DNM3: variants seen among roughly 807,000 people sequenced by gnomAD.
DNM3 encodes the protein dynamin-3.
In DNM3, 47 loss-of-function variants were observed where a neutral mutation model predicts 101.6. The observed-to-expected ratio is 0.46, with a 90% CI of 0.37 to 0.59. The LOEUF (loss-of-function observed/expected upper bound fraction) is 0.59. Among genes scored for constraint, DNM3 ranks in the 20% least tolerant of loss-of-function variants. DNM3 has a pLI of 0.00. For missense variants in DNM3, 849 were observed against 1,085.7 expected (o/e 0.78, Z 3.06); for synonymous variants, 385 against 387.9 (o/e 0.99, Z 0.09).
chr1:172,044,525 A>G, intron 9 of DNM3, 73 bp downstream of exon 9: 1 of 1,299,778 alleles, frequency 7.7e-7, no homozygotes, highest in Non-Finnish European at 1.1e-6. Context: ...AATGGCTAGG[A>G]AACTCGTCTT....
rs143951089 is a variant in DNM3 at position 172,288,758 on chromosome 1, G to A, written c.1770-19970G>A. On this transcript the variant is annotated intron_variant, in intron 15 of 20. Transcript: ENST00000627582. Reference sequence around the variant, plus strand: ...AGAAGCTGCCATTTACTAGTAGGAGGGAACTTTAGGGGAAGAGAAGATTTG... The same window carrying A: ...AGAAGCTGCCATTTACTAGTAGGAGAGAACTTTAGGGGAAGAGAAGATTTG... Among the ~76,000 whole-genome samples, 1,174 of 152,208 alleles carry A rather than the reference G, an allele frequency of 7.7e-3. 21 individuals carry two copies. The highest frequency in any genetic ancestry group is 0.027 in the African/African-American group (1,114 of 41,544).
intron 14 of DNM3, among the ~76,000 whole-genome samples, chr1:172,161,220 A>G (rs2058534691): frequency 6.7e-6 from 1 of 149,822 alleles, no homozygotes; most frequent in Non-Finnish European, 1.5e-5. Context: ...ATAATAATAT[A>G]TATGATCCAG....
chr1:171,888,671 TC>T (rs2036993278), intron 1 of DNM3, among the ~76,000 whole-genome samples: 1 of 152,216 alleles, frequency 6.6e-6, no homozygotes, highest in Non-Finnish European at 1.5e-5. Flanking sequence ...TCTGATGCAT[TC>T]TTGTTTTATC....
intron 16 of DNM3, among the ~76,000 whole-genome samples, chr1:172,311,792 A>G (rs2065093267): frequency 6.6e-6 from 1 of 152,206 alleles, no homozygotes; most frequent in African/African-American, 2.4e-5. Context: ...ATCTGTTTTG[A>G]TTCTTTTTAT....
intron 2 of DNM3, among the ~76,000 whole-genome samples, chr1:171,958,179 C>A (rs1292395139): frequency 6.6e-6 from 1 of 152,198 alleles, no homozygotes; most frequent in Non-Finnish European, 1.5e-5. Context: ...ATAAAACCAT[C>A]AGATCTCATG....
chr1:172,315,836 T>C (rs956468431), intron 16 of DNM3, among the ~76,000 whole-genome samples: 1 of 152,260 alleles, frequency 6.6e-6, no homozygotes, highest in African/African-American at 2.4e-5. Flanking sequence ...CCAGGAGAAC[T>C]TCCCCAATCT....
chr1:172,144,226 C>T (rs1412669417), intron 14 of DNM3: 2 of 151,798 alleles, frequency 1.3e-5, no homozygotes, highest in Non-Finnish European at 2.9e-5. Context: ...ATACCACACA[C>T]TTTTGCTCTT....
At chr1:172,227,302 A>ATATATATATATATATATC (rs1557846135) in intron 14 of DNM3, among the ~76,000 whole-genome samples, 2 of 127,574 alleles carry the variant, frequency 1.6e-5, no homozygotes, top group African/African-American at 2.9e-5. Flanking sequence ...ATATATATAT[A>ATATATATATATATATATC]TATCACATTT....
chr1:172,098,042 G>A (rs752885134), intron 13 of DNM3, among the ~76,000 whole-genome samples: 4 of 152,162 alleles, frequency 2.6e-5, no homozygotes, highest in Non-Finnish European at 4.4e-5. Flanking sequence ...CAGGACCAGG[G>A]TGAAATTAAA....
chr1:172,039,909 A>G lies in DNM3; in HGVS notation c.992+1448A>G, dbSNP rs116790778. ...TAGGGAAAAACAGACATAAAAATTA[A>G]CACAATTTAACACAATTAATTGTGT... On this transcript the variant is annotated intron_variant, in intron 7 of 20. Coordinates refer to ENST00000627582, the MANE Select transcript of DNM3 (RefSeq NM_015569.5). Among the ~76,000 whole-genome samples the G allele has an allele frequency of 8.0e-3, 1,215 of 152,234 alleles. 7 individuals carry two copies. The highest frequency in any genetic ancestry group is 0.013 in the Non-Finnish European group (861 of 68,008).
chr1:172,222,199 A>G (rs956595874), intron 14 of DNM3, among the ~76,000 whole-genome samples: 1 of 152,186 alleles, frequency 6.6e-6, no homozygotes. Context: ...GGTGAAAGAA[A>G]CATGGCCACT....
chr1:171,848,246 C>A (rs2032459439), intron 1 of DNM3, among the ~76,000 whole-genome samples: 1 of 152,150 alleles, frequency 6.6e-6, no homozygotes, highest in Admixed American at 6.5e-5. Flanking sequence ...TTTTTCTCTT[C>A]CGTGATACTC....
intron 4 of DNM3, among the ~76,000 whole-genome samples, chr1:171,999,398 T>C (rs2125664090): frequency 6.6e-6 from 1 of 152,218 alleles, no homozygotes; most frequent in East Asian, 1.9e-4. Flanking sequence ...TTAGGAATAT[T>C]CAGAGAAGAA....
At chr1:172,375,178 T>C (rs1558059670) in intron 17 of DNM3, among the ~76,000 whole-genome samples, 2 of 152,208 alleles carry the variant, frequency 1.3e-5, no homozygotes, top group East Asian at 3.9e-4. Context: ...ATGATGATGG[T>C]GTTACAGAAT....
At position 172,410,326 on chromosome 1, in the gene DNM3, T is replaced by C. The variant is rs574780663; in HGVS notation, c.*2485T>C. ...GCCTTAAGATGGGAATGTAGCTTAA[T>C]GATTTTCTGTTTCCCATACCATTTC... is the stretch of plus-strand genomic sequence containing the variant. On this transcript the variant is annotated 3_prime_UTR_variant, in exon 21 of 21. Coordinates refer to ENST00000627582, the MANE Select transcript of DNM3 (RefSeq NM_015569.5). 30 of 985,404 alleles carry C rather than the reference T, an allele frequency of 3.0e-5. No homozygotes were observed. In the African/African-American group the frequency reaches 4.2e-4, roughly 14 times the overall value. 61.0% of individuals were successfully genotyped at this position (985,404 alleles called of 1,614,324 possible). A position where few individuals can be genotyped will look rare whatever the true frequency, so the allele number is the denominator to read the frequency against.
chr1:171,920,182 C>A (rs1384920861), intron 1 of DNM3, among the ~76,000 whole-genome samples: 1 of 152,170 alleles, frequency 6.6e-6, no homozygotes, highest in African/African-American at 2.4e-5. Context: ...TTGATTTTAT[C>A]TTTTTGACTC....
At chr1:172,079,454 GT>G (rs2052956253) in intron 11 of DNM3, among the ~76,000 whole-genome samples, 1 of 151,584 alleles carries the variant, frequency 6.6e-6, no homozygotes, top group South Asian at 2.1e-4. Context: ...CTTGTGCTGT[GT>G]TTCTCAGCTC....
At chr1:172,172,043 A>G (rs1278722303) in intron 14 of DNM3, among the ~76,000 whole-genome samples, 1 of 151,582 alleles carries the variant, frequency 6.6e-6, no homozygotes, top group Non-Finnish European at 1.5e-5. Context: ...ATAAATATTT[A>G]TTGATGGAGT....
intron 13 of DNM3, among the ~76,000 whole-genome samples, chr1:172,116,297 T>C (rs1280482739): frequency 6.6e-6 from 1 of 152,232 alleles, no homozygotes; most frequent in African/African-American, 2.4e-5. Flanking sequence ...CACACACATA[T>C]GATCATTCTA....
Sources: allele counts gnomAD v4.1 joint callset (sites outside exome capture counted in the v4.1 genomes callset), GRCh38; gene constraint gnomAD v4.1.1; transcripts MANE v1.5; gene names NCBI Gene and HGNC (gene_info 2026-07-23, HGNC 2026-07-21).